The following CADM1 variants were observed in gnomAD, a reference collection of about 807,000 sequenced individuals.
CADM1 encodes the protein TSLC-1.
In CADM1, 15 loss-of-function variants were observed where a neutral mutation model predicts 53.1. The ratio of observed to expected loss-of-function variants is 0.28; its 90% CI spans 0.19 to 0.44. The LOEUF is 0.44. Among genes scored for constraint, CADM1 ranks in the 20% least tolerant of loss-of-function variants. CADM1 has a pLI of 1.00. For synonymous variants in CADM1, 281 were observed against 243.0 expected (o/e 1.16, Z -1.45); for missense variants, 434 against 611.3 (o/e 0.71, Z 3.06).
chr11:115,239,346 T>C (rs947850173), intron 2 of CADM1, among the ~76,000 whole-genome samples: 2 of 152,202 alleles, frequency 1.3e-5, no homozygotes, highest in African/African-American at 4.8e-5. Flanking sequence ...GGCCTTAAAC[T>C]GGTCCTGTGG....
chr11:115,401,789 C>T (rs563864963), intron 1 of CADM1, among the ~76,000 whole-genome samples: 25 of 152,170 alleles, frequency 1.6e-4, no homozygotes, highest in African/African-American at 4.8e-4. Flanking sequence ...TGATGTAAAC[C>T]ATGGACTTTG....
rs1445949579 is a variant in CADM1 at position 115,169,911 on chromosome 11, C to T, written c.*6563G>A. The T allele has an allele frequency of 5.5e-5, 14 of 254,514 alleles. No homozygotes were observed. The highest frequency in any genetic ancestry group is 1.0e-4 in the Non-Finnish European group (13 of 127,432). 15.8% of individuals were successfully genotyped at this position (254,514 alleles called of 1,614,324 possible). On this transcript the variant is annotated 3_prime_UTR_variant, in exon 12 of 12. Coordinates refer to ENST00000331581, the MANE Select transcript of CADM1 (RefSeq NM_001301043.2). The stretch of plus-strand genomic sequence containing the variant: ...AACCATTAAGGGATTTAAATATTTG[C>T]TTGCTATTAAAGGCCTGCATTAGGC...
chr11:115,279,755 A>G (rs528877298), intron 1 of CADM1, among the ~76,000 whole-genome samples: 1 of 152,348 alleles, frequency 6.6e-6, no homozygotes, highest in Admixed American at 6.5e-5. Flanking sequence ...TATAAAAAAT[A>G]TATGTAATTT....
chr11:115,435,670 T>C (rs749334661), intron 1 of CADM1, among the ~76,000 whole-genome samples: 7 of 152,198 alleles, frequency 4.6e-5, no homozygotes, highest in Non-Finnish European at 8.8e-5. Context: ...GAGGTGGAGG[T>C]TGCAGTGAGC....
chr11:115,313,613 T>C (rs915371464), intron 1 of CADM1, among the ~76,000 whole-genome samples: 1 of 152,118 alleles, frequency 6.6e-6, no homozygotes, highest in Admixed American at 6.5e-5. Flanking sequence ...ACTAAATCCA[T>C]TTTCCTCTTC....
intron 1 of CADM1, among the ~76,000 whole-genome samples, chr11:115,256,315 T>A (rs977475860): frequency 2.0e-5 from 3 of 151,582 alleles, no homozygotes; most frequent in African/African-American, 7.3e-5. Context: ...ATAACAAGAG[T>A]CTTAAGCTTG....
At position 115,441,544 on chromosome 11, in the gene CADM1, T is replaced by C. The variant is rs180904477; in HGVS notation, c.124+62727A>G. The stretch of plus-strand genomic sequence containing the variant: ...TTTTCTATCATGAAATAAAGATACA[T>C]TGAGGAATTTTTGTGTGAGAAATTT... On this transcript the variant is annotated intron_variant, in intron 1 of 11. Coordinates refer to ENST00000331581, the MANE Select transcript of CADM1 (RefSeq NM_001301043.2). 1.1e-4 allele frequency among the ~76,000 whole-genome samples: 17 copies of C among 152,294 alleles called. No homozygotes were observed. The East Asian group carries it at 2.5e-3, about 22-fold the overall frequency.
At chr11:115,296,763 C>T (rs987812865) in intron 1 of CADM1, among the ~76,000 whole-genome samples, 58 of 152,136 alleles carry the variant, frequency 3.8e-4, no homozygotes, top group African/African-American at 1.2e-3. Flanking sequence ...GAGACAAGTA[C>T]CATGCCGCTT....
intron 1 of CADM1, among the ~76,000 whole-genome samples, chr11:115,434,924 A>C (rs905862813): frequency 1.4e-5 from 2 of 147,986 alleles, no homozygotes; most frequent in Non-Finnish European, 3.0e-5. Context: ...GCAATGGTGC[A>C]ATCTTGGCTC....
At chr11:115,220,838 G>A (rs1156575076) in intron 5 of CADM1, among the ~76,000 whole-genome samples, 3 of 152,102 alleles carry the variant, frequency 2.0e-5, no homozygotes, top group South Asian at 2.1e-4. Context: ...GGCACCTCTA[G>A]AACTAAGGGA....
intron 1 of CADM1, among the ~76,000 whole-genome samples, chr11:115,334,380 T>TC (rs1408021883): frequency 1.3e-5 from 2 of 151,760 alleles, no homozygotes; most frequent in African/African-American, 2.4e-5. Flanking sequence ...GATACAGTAG[T>TC]CCCCCCCTTA....
chr11:115,223,435 CAT>C (rs1053182916), intron 5 of CADM1, among the ~76,000 whole-genome samples: 1 of 152,096 alleles, frequency 6.6e-6, no homozygotes, highest in African/African-American at 2.4e-5. Flanking sequence ...AGTTAAAAAC[CAT>C]TAAGTGAAGT....
intron 1 of CADM1, among the ~76,000 whole-genome samples, chr11:115,409,517 C>A (rs1175770113): frequency 1.3e-5 from 2 of 151,728 alleles, no homozygotes; most frequent in Non-Finnish European, 2.9e-5. Flanking sequence ...GAATCTAGTC[C>A]TCTTGAATCC....
At chr11:115,235,955 A>G (rs1941995975) in intron 3 of CADM1, among the ~76,000 whole-genome samples, 1 of 152,208 alleles carries the variant, frequency 6.6e-6, no homozygotes, top group African/African-American at 2.4e-5. Context: ...GAATATCCTT[A>G]AAGGCAACAA....
chr11:115,254,329 C>A (rs191260766), intron 1 of CADM1, among the ~76,000 whole-genome samples: 1 of 152,222 alleles, frequency 6.6e-6, no homozygotes, highest in Admixed American at 6.5e-5. Context: ...TAAGTATCAT[C>A]CATATCTCAC....
At chr11:115,194,804 G>A (rs1041597893) in intron 9 of CADM1, among the ~76,000 whole-genome samples, 1 of 152,140 alleles carries the variant, frequency 6.6e-6, no homozygotes, top group Admixed American at 6.5e-5. Flanking sequence ...ACATTGGGGA[G>A]GAGGGTGGGG....
chr11:115,289,356 T>A (rs761380739), intron 1 of CADM1, among the ~76,000 whole-genome samples: 1 of 151,844 alleles, frequency 6.6e-6, no homozygotes, highest in Non-Finnish European at 1.5e-5. Flanking sequence ...CAGAGTGAGA[T>A]TCCATCTCAA....
chr11:115,407,487 T>C (rs1387211600), intron 1 of CADM1, among the ~76,000 whole-genome samples: 3 of 152,094 alleles, frequency 2.0e-5, no homozygotes, highest in South Asian at 2.1e-4. Flanking sequence ...GCTGCCAAAA[T>C]GCCTAGATAT....
chr11:115,268,622 C>T (rs1269595345), intron 1 of CADM1, among the ~76,000 whole-genome samples: 1 of 152,182 alleles, frequency 6.6e-6, no homozygotes, highest in Non-Finnish European at 1.5e-5. Flanking sequence ...AGAGCAGGGC[C>T]CAGCACTGCC....
Sources: gnomAD v4.1 joint callset for allele counts (sites outside exome capture counted in the v4.1 genomes callset) on GRCh38, gnomAD v4.1.1 for gene constraint, MANE v1.5 for transcripts, NCBI Gene and HGNC (gene_info 2026-07-23, HGNC 2026-07-21) for gene names.